Variants in MEX3D observed in about 807,000 individuals in gnomAD.
The protein encoded by MEX3D is RNA-binding protein MEX3D.
In MEX3D, 4 loss-of-function variants were observed where a neutral mutation model predicts 6.3. The ratio of observed to expected loss-of-function variants is 0.64; its 90% CI spans 0.31 to 1.46. MEX3D has a LOEUF of 1.46. Among genes scored for constraint, MEX3D ranks in the 40% most tolerant of loss-of-function variants. The pLI, the probability that MEX3D is intolerant of heterozygous loss-of-function variation, is 0.07. For missense variants in MEX3D, 1,038 were observed against 994.4 expected (o/e 1.04, Z -0.59); for synonymous variants, 626 against 494.1 (o/e 1.27, Z -3.54).
Position 1,556,271 on chromosome 19 carries a change from C to A in MEX3D, c.1248G>T (p.Pro416=), listed in dbSNP as rs1914552270. ...YAGSRGGPSV[P]DPGPASPYSG... is the part of the protein sequence containing the mutation. ...TGTAGGGGCTGGCGGGGCCTGGGTCCGGCACGGAGGGGCCGCCGCGGCTGC... is the reference window on the plus strand; with the variant it reads ...TGTAGGGGCTGGCGGGGCCTGGGTCAGGCACGGAGGGGCCGCCGCGGCTGC... Residue 416 remains proline, a synonymous_variant, in exon 2 of 2, where the codon CCG becomes CCT. Coordinates refer to ENST00000402693, the MANE Select transcript of MEX3D (RefSeq NM_203304.4). The surrounding 1 kb of genome is among the most constrained non-coding windows in gnomAD (Gnocchi z 7.5). 2 of 1,297,836 alleles carry A rather than the reference C, an allele frequency of 1.5e-6. No individual in the cohort carries two copies. The highest frequency in any genetic ancestry group is 1.6e-5 in the African/African-American group (1 of 62,566). The allele number at this position is 1,297,836 out of a possible 1,614,324, so 80.4% of individuals were successfully genotyped here.
At position 1,567,361 on chromosome 19, in the gene MEX3D, C is replaced by A; in HGVS notation, c.595+103G>T. 2 of 1,288,918 alleles carry A rather than the reference C, an allele frequency of 1.6e-6. No homozygotes were observed. The highest frequency in any genetic ancestry group is 2.0e-6 in the Non-Finnish European group (2 of 999,148). 79.8% of individuals were successfully genotyped at this position (1,288,918 alleles called of 1,614,324 possible). On this transcript the variant is annotated intron_variant, in intron 1 of 1. Coordinates refer to ENST00000402693, the MANE Select transcript of MEX3D (RefSeq NM_203304.4). This position sits in a 1 kb window ranked among gnomAD's most constrained non-coding sequence, Gnocchi z 6.5. ...GAGCCCACGCGGGGCGTGTCCGGTG[C>A]GGGGCGTCCGGCGCGGGCTGGGCTG...
rs1217130879 is a variant in MEX3D at position 1,568,017 on chromosome 19, C to G, written c.42G>C (p.Gly14=). The stretch of plus-strand genomic sequence containing the variant: ...CCCCCACGCCGCCGCCGCCGCCGCC[C>G]CCGCCCCCGCCGCCGTCGGGCTGGC... ...SLGQPDGGGG[G]GGGGGGVGAA... is the part of the protein sequence containing the mutation. Residue 14 remains glycine, a synonymous_variant, in exon 1 of 2, where the codon GGG becomes GGC. Transcript: ENST00000402693. 1 of 978,026 alleles carries G rather than the reference C, an allele frequency of 1.0e-6. No homozygotes were observed. The highest frequency in any genetic ancestry group is 1.2e-6 in the Non-Finnish European group (1 of 827,222). The allele number at this position is 978,026 out of a possible 1,614,324, so 60.6% of individuals were successfully genotyped here.
At chr19:1,559,621 G>A (rs1914668721) in intron 1 of MEX3D, among the ~76,000 whole-genome samples, 1 of 152,214 alleles carries the variant, frequency 6.6e-6, no homozygotes. Flanking sequence ...GGAAGCAGAG[G>A]GAGCTGCAGG....
rs2145579230 is a variant in MEX3D at position 1,567,579 on chromosome 19, C to T, written c.480G>A (p.Pro160=). ...FAPHPAALGP[P]TLLADQMSVI... Reference sequence around the variant, plus strand: ...CGCTCATCTGGTCGGCCAGCAGCGTCGGGGGCCCCAGGGCCGCGGGGTGGG... The same window carrying T: ...CGCTCATCTGGTCGGCCAGCAGCGTTGGGGGCCCCAGGGCCGCGGGGTGGG... The change falls in exon 1 of 2, where the codon CCG becomes CCA. Residue 160 remains proline, a synonymous_variant. Transcript: ENST00000402693. The surrounding 1 kb of genome is among the most constrained non-coding windows in gnomAD (Gnocchi z 6.5). 8 of 1,495,512 alleles carry T rather than the reference C, an allele frequency of 5.3e-6. No individual in the cohort carries two copies. The highest frequency in any genetic ancestry group is 1.9e-4 in the Middle Eastern group (1 of 5,150). 92.6% of individuals were successfully genotyped at this position (1,495,512 alleles called of 1,614,324 possible). A position where few individuals can be genotyped will look rare whatever the true frequency, so the allele number is the denominator to read the frequency against.
chr19:1,565,752 G>A (rs1341156907), intron 1 of MEX3D, among the ~76,000 whole-genome samples: 1 of 152,326 alleles, frequency 6.6e-6, no homozygotes, highest in East Asian at 1.9e-4. Context: ...GTAAGTGGGT[G>A]CAGAACGCAC....
chr19:1,555,203 C>T lies in MEX3D; in HGVS notation c.*360G>A. 1 of 963,706 alleles carries T rather than the reference C, an allele frequency of 1.0e-6. No homozygotes were observed. Among genetic ancestry groups the T allele is most frequent in the Non-Finnish European group, 1.4e-6 (1 of 711,202 alleles). The allele number at this position is 963,706 out of a possible 1,614,324, so 59.7% of individuals were successfully genotyped here. On this transcript the variant is annotated 3_prime_UTR_variant, in exon 2 of 2. Transcript: ENST00000402693. The stretch of plus-strand genomic sequence containing the variant: ...GGACGAAAGGAAAAAACGCTGAGCG[C>T]TGGAAAAGTCGTGTTTTTTGTTTTG...
chr19:1,564,149 A>G (rs1568267183), intron 1 of MEX3D, among the ~76,000 whole-genome samples: 1 of 152,064 alleles, frequency 6.6e-6, no homozygotes, highest in Non-Finnish European at 1.5e-5. Context: ...TGGGAGCTGC[A>G]GGACCTTTCC....
rs1004158193 is a variant in MEX3D, at chr19:1,555,395, GCGGC to G, written c.*164_*167del. The G allele has an allele frequency of 6.2e-7, 1 of 1,601,098 alleles. No individual in the cohort carries two copies. Among genetic ancestry groups the G allele is most frequent in the Non-Finnish European group, 8.5e-7 (1 of 1,173,640 alleles). On this transcript the variant is annotated 3_prime_UTR_variant, in exon 2 of 2. Coordinates refer to ENST00000402693, the MANE Select transcript of MEX3D (RefSeq NM_203304.4). ...CGGGGTCTCCGTCTCCACGCCTGAG[GCGGC>G]AGTTAAAGCTCATCTGTAAACACTG...
intron 1 of MEX3D, among the ~76,000 whole-genome samples, chr19:1,565,950 G>T (rs779566589): frequency 6.6e-6 from 1 of 152,220 alleles, no homozygotes; most frequent in Admixed American, 6.5e-5. Flanking sequence ...CGTTCACAAA[G>T]AACACAGCCA....
In MEX3D at chr19:1,555,980, G is replaced by C; in HGVS notation, c.1539C>G (p.His513Gln). ...CGCCGGGCTCGGGCAGCGTGGGCGA[G>C]TGGCGGGGGGTCCCGGCCCCACTGC... ...RRSSGAGTPR[H>Q]SPTLPEPGGL... Residue 513 changes from histidine (H) to glutamine (Q), a missense_variant, in exon 2 of 2, where the codon CAC becomes CAG. Physicochemically the swap from His to Gln is conservative, Grantham distance 24. Coordinates refer to ENST00000402693, the MANE Select transcript of MEX3D (RefSeq NM_203304.4). The C allele has an allele frequency of 8.5e-7, 1 of 1,173,774 alleles. No homozygotes were observed. The highest frequency in any genetic ancestry group is 1.1e-6 in the Non-Finnish European group (1 of 950,022). The allele number at this position is 1,173,774 out of a possible 1,614,324, so 72.7% of individuals were successfully genotyped here.
chr19:1,556,152 TCGAAGC>T lies in MEX3D; in HGVS notation c.1361_1366del (p.Gly454_Phe455del), dbSNP rs756871616. The T allele has an allele frequency of 3.3e-5, 49 of 1,474,560 alleles. No individual in the cohort carries two copies. The Admixed American group carries it at 3.4e-4, about 10-fold the overall frequency. The allele number at this position is 1,474,560 out of a possible 1,614,324, so 91.3% of individuals were successfully genotyped here. A position where few individuals can be genotyped will look rare whatever the true frequency, so the allele number is the denominator to read the frequency against. ...CAGGTCCAGCGCCAGGAAGTCGAAGTCGAAGCCGAAGTCGCAGTCGTCGGGGGCGGC... is the reference window on the plus strand; with the variant it reads ...CAGGTCCAGCGCCAGGAAGTCGAAGTCGAAGTCGCAGTCGTCGGGGGCGGC... On this transcript the variant is annotated inframe_deletion, in exon 2 of 2. Transcript: ENST00000402693. The surrounding 1 kb of genome is among the most constrained non-coding windows in gnomAD (Gnocchi z 7.5).
intron 1 of MEX3D, among the ~76,000 whole-genome samples, chr19:1,565,689 AC>A (rs1422683158): frequency 1.3e-5 from 2 of 151,904 alleles, no homozygotes; most frequent in Non-Finnish European, 2.9e-5. Context: ...TCTACCCCCG[AC>A]CCCCACTGTA....
chr19:1,557,020 C>T (rs1314430759), intron 1 of MEX3D, 97 bp from the exon 2 acceptor site: 2 of 1,416,770 alleles, frequency 1.4e-6, no homozygotes, highest in Non-Finnish European at 1.9e-6. Context: ...GAGGGAGCCC[C>T]TACCTCCCAG....
At chr19:1,565,792 CCA>C (rs1180932662) in intron 1 of MEX3D, among the ~76,000 whole-genome samples, 1 of 152,210 alleles carries the variant, frequency 6.6e-6, no homozygotes, top group Non-Finnish European at 1.5e-5. Context: ...AGCCTGGTGC[CCA>C]CAGACTCCAT....
At position 1,556,805 on chromosome 19, in the gene MEX3D, A is replaced by G; in HGVS notation, c.714T>C (p.Arg238=). 1.2e-6 allele frequency: 2 copies of G among 1,612,540 alleles called. No individual in the cohort carries two copies. The highest frequency in any genetic ancestry group is 1.7e-6 in the Non-Finnish European group (2 of 1,179,774). The change falls in exon 2 of 2, where the codon CGT becomes CGC. Residue 238 remains arginine, a synonymous_variant. Transcript: ENST00000402693. The surrounding 1 kb of genome is among the most constrained non-coding windows in gnomAD (Gnocchi z 7.5). Reference sequence around the variant, plus strand: ...AGTGTTCGGCCGCCGACAGGATCTCACGCTTGGCCATCTCCACGTCCTCCT... The same window carrying G: ...AGTGTTCGGCCGCCGACAGGATCTCGCGCTTGGCCATCTCCACGTCCTCCT... ...GRKEDVEMAK[R]EILSAAEHFS...
At position 1,556,327 on chromosome 19, in the gene MEX3D, C is replaced by A. The variant is rs1369814646; in HGVS notation, c.1192G>T (p.Ala398Ser). 3.0e-6 allele frequency: 4 copies of A among 1,336,532 alleles called. No homozygotes were observed. Among genetic ancestry groups the A allele is most frequent in the Non-Finnish European group, 1.9e-6 (2 of 1,049,298 alleles). The allele number at this position is 1,336,532 out of a possible 1,614,324, so 82.8% of individuals were successfully genotyped here. Residue 398 changes from alanine to serine, a missense_variant, in exon 2 of 2, where the codon GCC (alanine) becomes TCC (serine). This residue lies in a region of MEX3D where 581 missense variants were observed against 516.2 expected (regional missense o/e 1.13). Coordinates refer to ENST00000402693, the MANE Select transcript of MEX3D (RefSeq NM_203304.4). The surrounding 1 kb of genome is among the most constrained non-coding windows in gnomAD (Gnocchi z 7.5). ...TAGAAGGCCTCGGGGGCGCTGGGGG[C>A]GCCCAGGGCCGTGTCCCCGCGGAGG... ...AGLRGDTALG[A>S]PSAPEAFYAG...
At chr19:1,558,342 G>A (rs144553788) in intron 1 of MEX3D, among the ~76,000 whole-genome samples, 1 of 151,522 alleles carries the variant, frequency 6.6e-6, no homozygotes, top group Non-Finnish European at 1.5e-5. Flanking sequence ...TTCAGCCTGG[G>A]TGACAGAGCA....
Position 1,555,557 on chromosome 19 carries a change from C to G in MEX3D, c.*6G>C. On this transcript the variant is annotated 3_prime_UTR_variant, in exon 2 of 2. Coordinates refer to ENST00000402693, the MANE Select transcript of MEX3D (RefSeq NM_203304.4). ...AGATGGCCCCGGCCACGTGGTGGTC[C>G]GCGCTCTAGGAAAAGATATGAATGG... 1 of 1,566,024 alleles carries G rather than the reference C, an allele frequency of 6.4e-7. No individual in the cohort carries two copies. The highest frequency in any genetic ancestry group is 1.2e-5 in the South Asian group (1 of 85,156).
Position 1,555,437 on chromosome 19 carries a change from CCCCCTG to C in MEX3D, c.*120_*125del. 8 of 1,472,072 alleles carry C rather than the reference CCCCCTG, an allele frequency of 5.4e-6. No individual in the cohort carries two copies. In the South Asian group the frequency reaches 7.2e-5, roughly 13 times the overall value. The allele number at this position is 1,472,072 out of a possible 1,614,324, so 91.2% of individuals were successfully genotyped here. A position where few individuals can be genotyped will look rare whatever the true frequency, so the allele number is the denominator to read the frequency against. On this transcript the variant is annotated 3_prime_UTR_variant, in exon 2 of 2. Transcript: ENST00000402693. ...TCTGTAAACACTGGCCGCCGCCCAC[CCCCCTG>C]CCCCCTCGGCCTCCGCCCCTCGCCC...
Sources: allele counts gnomAD v4.1 joint callset (sites outside exome capture counted in the v4.1 genomes callset), GRCh38; gene constraint gnomAD v4.1.1; regional missense constraint gnomAD v4.1.1; non-coding constraint Gnocchi (gnomAD v3.1); transcripts MANE v1.5; gene names NCBI Gene and HGNC (gene_info 2026-07-23, HGNC 2026-07-21).